MTF1: variants seen among roughly 807,000 people sequenced by gnomAD.
MTF1 encodes the protein MRE-binding transcription factor.
In MTF1, 22 loss-of-function variants were observed where a neutral mutation model predicts 70.4. That is an observed-to-expected ratio of 0.31 (90% CI 0.22 to 0.45). MTF1 has a LOEUF of 0.45. Ranked by LOEUF, MTF1 falls within the 20% of genes least tolerant of loss-of-function variation. The probability of loss-of-function intolerance (pLI) is 1.00; values close to 1 mark genes in which losing one functional copy is unlikely to be tolerated. For missense variants in MTF1, 649 were observed against 922.0 expected (o/e 0.70, Z 3.83); for synonymous variants, 333 against 352.8 (o/e 0.94, Z 0.63).
chr1:37,828,793 G>A (rs1456802871), intron 7 of MTF1, among the ~76,000 whole-genome samples: 2 of 152,222 alleles, frequency 1.3e-5, no homozygotes, highest in Non-Finnish European at 2.9e-5. Flanking sequence ...AACGCTGGGA[G>A]CAAAGTGGGT....
At chr1:37,833,186 A>T (rs780898603) in intron 6 of MTF1, among the ~76,000 whole-genome samples, 3 of 152,126 alleles carry the variant, frequency 2.0e-5, no homozygotes, top group Non-Finnish European at 4.4e-5. Context: ...GTATTACTCT[A>T]TATCCCCATT....
Position 37,835,657 on chromosome 1 carries a change from T to C in MTF1, c.853+14A>G. 1 of 1,611,802 alleles carries C rather than the reference T, an allele frequency of 6.2e-7. No homozygotes were observed. Among genetic ancestry groups the C allele is most frequent in the Non-Finnish European group, 8.5e-7 (1 of 1,178,006 alleles). ...GTTACAGGCTTGATGAAACAAAAATTGGCCTAAACTCACCAGTATGTGTAC... is the reference window on the plus strand; with the variant it reads ...GTTACAGGCTTGATGAAACAAAAATCGGCCTAAACTCACCAGTATGTGTAC... On this transcript the variant is annotated intron_variant, in intron 5 of 10. Transcript: ENST00000373036.
intron 7 of MTF1, among the ~76,000 whole-genome samples, chr1:37,830,252 T>C (rs1192210049): frequency 6.6e-6 from 1 of 152,224 alleles, no homozygotes; most frequent in Non-Finnish European, 1.5e-5. Context: ...TTTAATCTTT[T>C]TCTCTTTGCT....
chr1:37,826,920 A>G lies in MTF1; in HGVS notation c.1069-3108T>C, dbSNP rs570656436. ...CTTGAACCTGGGAAGTGGAGGTTGC[A>G]GCGAGCTGAGATCAAGCCACTGCAC... On this transcript the variant is annotated intron_variant, in intron 7 of 10. Coordinates refer to ENST00000373036, the MANE Select transcript of MTF1 (RefSeq NM_005955.3). 2.0e-5 allele frequency among the ~76,000 whole-genome samples: 3 copies of G among 152,294 alleles called. No individual in the cohort carries two copies. In the East Asian group the frequency reaches 5.8e-4, roughly 29 times the overall value.
chr1:37,856,482 C>G (rs1417192298), intron 2 of MTF1, among the ~76,000 whole-genome samples: 38 of 148,082 alleles, frequency 2.6e-4, no homozygotes, highest in Non-Finnish European at 4.5e-4. Context: ...GCCACTGTGC[C>G]CAGCCTGAAT....
chr1:37,850,565 AAAGAGAGAG>A (rs1641402432), intron 2 of MTF1, among the ~76,000 whole-genome samples: 1 of 150,944 alleles, frequency 6.6e-6, no homozygotes, highest in African/African-American at 2.5e-5. Context: ...AGGGAGAGAG[AAAGAGAGAG>A]AGAGAGAGAG....
At chr1:37,830,531 T>A (rs1424791497) in intron 7 of MTF1, among the ~76,000 whole-genome samples, 1 of 152,182 alleles carries the variant, frequency 6.6e-6, no homozygotes, top group African/African-American at 2.4e-5. Flanking sequence ...ATAAAAAAAA[T>A]CCTTGTCTGT....
Position 37,813,549 on chromosome 1 carries a change from A to G in MTF1, c.*1587T>C, listed in dbSNP as rs949913707. On this transcript the variant is annotated 3_prime_UTR_variant, in exon 11 of 11. Transcript: ENST00000373036. ...CAATGCAGATCCCTTTACATTAGGG[A>G]ATGAAAATGCAAGGCAAAATTATGG... 1 of 152,290 alleles carries G rather than the reference A, an allele frequency of 6.6e-6. No homozygotes were observed. Among genetic ancestry groups the G allele is most frequent in the African/African-American group, 2.4e-5 (1 of 41,474 alleles). 9.4% of individuals were successfully genotyped at this position (152,290 alleles called of 1,614,324 possible).
intron 2 of MTF1, among the ~76,000 whole-genome samples, chr1:37,856,586 G>C (rs1160935630): frequency 6.8e-6 from 1 of 146,764 alleles, no homozygotes; most frequent in East Asian, 2.0e-4. Context: ...TGCAACCTCT[G>C]CCTCCCGGGT....
At position 37,811,088 on chromosome 1, in the gene MTF1, C is replaced by T. The variant is rs1481032235; in HGVS notation, c.*4048G>A. 1 of 152,602 alleles carries T rather than the reference C, an allele frequency of 6.6e-6. No homozygotes were observed. The highest frequency in any genetic ancestry group is 2.4e-5 in the African/African-American group (1 of 41,440). 9.5% of individuals were successfully genotyped at this position (152,602 alleles called of 1,614,324 possible). A position where few individuals can be genotyped will look rare whatever the true frequency, so the allele number is the denominator to read the frequency against. On this transcript the variant is annotated 3_prime_UTR_variant, in exon 11 of 11. Transcript: ENST00000373036. Reference sequence around the variant, plus strand: ...TACAAATATAAAAGTCTAGAAGGTGCCAGGTTTCTACCTAGGAACAATCTG... The same window carrying T: ...TACAAATATAAAAGTCTAGAAGGTGTCAGGTTTCTACCTAGGAACAATCTG...
intron 6 of MTF1, 97 bp from the exon 7 acceptor site, chr1:37,832,419 C>T (rs1641101058): frequency 1.3e-6 from 1 of 752,914 alleles, no homozygotes; most frequent in African/African-American, 1.8e-5. Flanking sequence ...CCCTAATGTT[C>T]CACATGTCTA....
At chr1:37,841,623 C>T in intron 2 of MTF1, 1 of 174,276 alleles carries the variant, frequency 5.7e-6, no homozygotes, top group South Asian at 1.4e-4. Context: ...ACCACCTCAT[C>T]AAGACCCACA....
At position 37,838,747 on chromosome 1, in the gene MTF1, T is replaced by C. The variant is rs993488906; in HGVS notation, c.657A>G (p.Ala219=). The change falls in exon 4 of 11, where the codon GCA becomes GCG. Residue 219 remains alanine, a synonymous_variant. Coordinates refer to ENST00000373036, the MANE Select transcript of MTF1 (RefSeq NM_005955.3). Reference sequence around the variant, plus strand: ...TTTTCCCTGTGTGAAGCCTCTGATGTGCTTTCAGCCTGCAAAATATTCCAG... The same window carrying C: ...TTTTCCCTGTGTGAAGCCTCTGATGCGCTTTCAGCCTGCAAAATATTCCAG... ...KAFNTLYRLK[A]HQRLHTGKTF... 4 of 1,562,220 alleles carry C rather than the reference T, an allele frequency of 2.6e-6. No homozygotes were observed. The highest frequency in any genetic ancestry group is 3.5e-6 in the Non-Finnish European group (4 of 1,147,942).
At chr1:37,847,027 TG>T (rs1641343031) in intron 2 of MTF1, among the ~76,000 whole-genome samples, 1 of 152,182 alleles carries the variant, frequency 6.6e-6, no homozygotes, top group Admixed American at 6.5e-5. Context: ...ACACCGGCAC[TG>T]GTATCATTTC....
At chr1:37,828,098 T>C (rs1319917570) in intron 7 of MTF1, 1 of 360,588 alleles carries the variant, frequency 2.8e-6, no homozygotes, top group African/African-American at 2.2e-5. Context: ...ATAATATGGC[T>C]TAATTTCTTA....
chr1:37,835,266 A>G lies in MTF1; in HGVS notation c.854-51T>C, dbSNP rs528960903. On this transcript the variant is annotated intron_variant, in intron 5 of 10. Transcript: ENST00000373036. ...ATTTACCATAAAGTCATTTCACTGGATTAAGAAATCTACCTTTCCCTAATA... is the reference window on the plus strand; with the variant it reads ...ATTTACCATAAAGTCATTTCACTGGGTTAAGAAATCTACCTTTCCCTAATA... 5 of 1,527,668 alleles carry G rather than the reference A, an allele frequency of 3.3e-6. No homozygotes were observed. In the Admixed American group the frequency reaches 8.5e-5, roughly 26 times the overall value. The allele number at this position is 1,527,668 out of a possible 1,614,324, so 94.6% of individuals were successfully genotyped here. A position where few individuals can be genotyped will look rare whatever the true frequency, so the allele number is the denominator to read the frequency against.
chr1:37,858,015 TA>T lies in MTF1; in HGVS notation c.-51-307del, dbSNP rs71053997. ...AACATAGTGAGACCCCCATCTCTAA[TA>T]AAAAAAAAAAAAAAAGAAAAAGAAA... is the stretch of plus-strand genomic sequence containing the variant. On this transcript the variant is annotated intron_variant, in intron 1 of 10. Coordinates refer to ENST00000373036, the MANE Select transcript of MTF1 (RefSeq NM_005955.3). Among the ~76,000 whole-genome samples, 596 of 124,016 alleles carry T rather than the reference TA, an allele frequency of 4.8e-3. 5 individuals are homozygous for T. Among genetic ancestry groups the T allele is most frequent in the African/African-American group, 0.016 (499 of 30,292 alleles). 81.4% of individuals were successfully genotyped at this position (124,016 alleles called of 152,430 possible). A position where few individuals can be genotyped will look rare whatever the true frequency, so the allele number is the denominator to read the frequency against.
rs115025293 is a variant in MTF1, at chr1:37,815,579, C to A, written c.1832-13G>T. ...TGGACAGAGCTCCCTGCGAGAGAGGCAAGAGAGACTGCTCTTCAAGTAGCT... is the reference window on the plus strand; with the variant it reads ...TGGACAGAGCTCCCTGCGAGAGAGGAAAGAGAGACTGCTCTTCAAGTAGCT... On this transcript the variant is annotated splice_polypyrimidine_tract_variant and intron_variant, in intron 10 of 10. Transcript: ENST00000373036. This position sits in a 1 kb window ranked among gnomAD's most constrained non-coding sequence, Gnocchi z 4.5. 1 of 1,518,812 alleles carries A rather than the reference C, an allele frequency of 6.6e-7. No individual in the cohort carries two copies. Among genetic ancestry groups the A allele is most frequent in the East Asian group, 2.3e-5 (1 of 44,126 alleles). 94.1% of individuals were successfully genotyped at this position (1,518,812 alleles called of 1,614,324 possible).
chr1:37,825,663 CACCCCTGACACAGCAAAACCA>C (rs1446037687), intron 7 of MTF1, among the ~76,000 whole-genome samples: 1 of 152,112 alleles, frequency 6.6e-6, no homozygotes, highest in African/African-American at 2.4e-5. Context: ...CCACTTCTGC[CACCCCTGACACAGCAAAACCA>C]ACCCCTCCTC....
Sources: gnomAD v4.1 joint callset for allele counts (sites outside exome capture counted in the v4.1 genomes callset) on GRCh38, gnomAD v4.1.1 for gene constraint, Gnocchi (gnomAD v3.1) non-coding constraint, MANE v1.5 for transcripts, NCBI Gene and HGNC (gene_info 2026-07-23, HGNC 2026-07-21) for gene names.